PRELID2: variants seen among roughly 807,000 people sequenced by gnomAD.
The protein encoded by PRELID2 is PRELI domain-containing protein 2.
PRELID2 carries 25 observed loss-of-function variants against 28.4 expected under a neutral mutation model. That is an observed-to-expected ratio of 0.88 (90% CI 0.64 to 1.23). The LOEUF is 1.23. Ranked by LOEUF, PRELID2 falls within the 50% of genes most tolerant of loss-of-function variation. PRELID2 has a pLI of 0.00. For missense variants in PRELID2, 201 were observed against 214.4 expected (o/e 0.94, Z 0.39); for synonymous variants, 76 against 71.6 (o/e 1.06, Z -0.31).
chr5:145,653,166 A>G (rs1027891915), intron 1 of PRELID2, among the ~76,000 whole-genome samples: 1 of 152,228 alleles, frequency 6.6e-6, no homozygotes, highest in African/African-American at 2.4e-5. Context: ...CCATTACATA[A>G]TGGTAAAGGG....
In PRELID2 at chr5:145,503,459, C is replaced by T. The variant is rs915795683; in HGVS notation, n.71-30144G>A. 3.3e-5 allele frequency among the ~76,000 whole-genome samples: 5 copies of T among 152,132 alleles called. No homozygotes were observed. The South Asian group carries it at 8.3e-4, about 25-fold the overall frequency. ...GTTTAAAACAATAGTCATGATAATA[C>T]GAGCTCACATTTATTAAGCTCCTAC... On this transcript the variant is annotated intron_variant and non_coding_transcript_variant, in intron 1 of 2. Coordinates refer to the PRELID2 transcript ENST00000510259.
chr5:145,443,393 T>C, the PRELID2 span, among the ~76,000 whole-genome samples: 1 of 152,048 alleles, frequency 6.6e-6, no homozygotes, highest in African/African-American at 2.4e-5. Flanking sequence ...TAAGTCTCAT[T>C]GTCTTGGCCC....
Position 145,727,067 on chromosome 5 carries a change from C to T in PRELID2, n.70+37864G>A, listed in dbSNP as rs151042553. The stretch of plus-strand genomic sequence containing the variant: ...AGGCCCAGAGTTCTGGAAGCCCAGA[C>T]TATTTATTGGTGATCAAACAAAGAA... On this transcript the variant is annotated intron_variant and non_coding_transcript_variant, in intron 1 of 2. Transcript: ENST00000510259. 4.0e-4 allele frequency among the ~76,000 whole-genome samples: 61 copies of T among 152,294 alleles called. No individual in the cohort carries two copies. The East Asian group carries it at 8.7e-3, about 22-fold the overall frequency.
At chr5:145,573,182 G>A (rs1205262129) in intron 1 of PRELID2, among the ~76,000 whole-genome samples, 1 of 151,990 alleles carries the variant, frequency 6.6e-6, no homozygotes, top group African/African-American at 2.4e-5. Flanking sequence ...ATAACTTTTT[G>A]TATCTTTATG....
intron 1 of PRELID2, among the ~76,000 whole-genome samples, chr5:145,742,122 TATTAATTATAAATAAATAA>T (rs1377907120): frequency 0.82 from 105,018 of 128,846 alleles, 43,223 homozygotes; most frequent in East Asian, 0.87. Context: ...AAATAAAATT[TATTAATTATAAATAAATAA>T]ATTTATTTAT....
At chr5:145,652,949 G>C (rs981416461) in intron 1 of PRELID2, among the ~76,000 whole-genome samples, 2 of 152,144 alleles carry the variant, frequency 1.3e-5, no homozygotes, top group East Asian at 1.9e-4. Context: ...AAAAGACACA[G>C]ACTGGCAAAT....
At chr5:145,310,074 C>G in the PRELID2 span, among the ~76,000 whole-genome samples, 7 of 152,214 alleles carry the variant, frequency 4.6e-5, no homozygotes, top group African/African-American at 1.7e-4. Context: ...CTGTCTCTAA[C>G]TATTCTTACC....
At chr5:145,640,634 ACT>A (rs1202866313) in intron 1 of PRELID2, among the ~76,000 whole-genome samples, 1 of 148,154 alleles carries the variant, frequency 6.7e-6, no homozygotes, top group African/African-American at 2.5e-5. Context: ...ACAGAGCGAG[ACT>A]CTGTCTCAAA....
rs187027277 is a variant in PRELID2 at position 145,648,626 on chromosome 5, G to T, written n.70+116305C>A. Among the ~76,000 whole-genome samples the T allele has an allele frequency of 8.1e-5, 12 of 148,180 alleles. No individual in the cohort carries two copies. In the East Asian group the frequency reaches 1.9e-3, roughly 24 times the overall value. On this transcript the variant is annotated intron_variant and non_coding_transcript_variant, in intron 1 of 2. Transcript: ENST00000510259. Reference sequence around the variant, plus strand: ...CAGTTTTATTTAGATGAGTTTAGGCGGTTTTTTTGTATTATCCTCCCTGGG... The same window carrying T: ...CAGTTTTATTTAGATGAGTTTAGGCTGTTTTTTTGTATTATCCTCCCTGGG...
intron 1 of PRELID2, among the ~76,000 whole-genome samples, chr5:145,654,024 A>G (rs1253762374): frequency 1.3e-5 from 2 of 152,096 alleles, no homozygotes; most frequent in Admixed American, 6.6e-5. Flanking sequence ...AGAAGAAAAG[A>G]GAGAAGAATC....
At chr5:145,766,566 T>C (rs1757775191) in intron 5 of PRELID2, among the ~76,000 whole-genome samples, 1 of 152,190 alleles carries the variant, frequency 6.6e-6, no homozygotes, top group Non-Finnish European at 1.5e-5. Flanking sequence ...AGATTCTGCC[T>C]GGCCATCACC....
chr5:145,649,643 A>G (rs1018907136), intron 1 of PRELID2, among the ~76,000 whole-genome samples: 6 of 152,200 alleles, frequency 3.9e-5, no homozygotes, highest in African/African-American at 1.2e-4. Flanking sequence ...TCTGTCCTTC[A>G]GTTCACTAAT....
chr5:145,687,337 G>A (rs1483007745), intron 1 of PRELID2, among the ~76,000 whole-genome samples: 2 of 152,126 alleles, frequency 1.3e-5, no homozygotes, highest in African/African-American at 4.8e-5. Context: ...GCCTTAAAAA[G>A]CACATCGTCA....
At chr5:145,628,487 C>A (rs145212528) in intron 1 of PRELID2, among the ~76,000 whole-genome samples, 1 of 152,004 alleles carries the variant, frequency 6.6e-6, no homozygotes, top group Non-Finnish European at 1.5e-5. Flanking sequence ...CCATGCCTGG[C>A]GAATTTTTGT....
At chr5:145,750,734 T>C (rs1757103761) in intron 1 of PRELID2, among the ~76,000 whole-genome samples, 1 of 152,160 alleles carries the variant, frequency 6.6e-6, no homozygotes, top group South Asian at 2.1e-4. Context: ...CCATTTCAGA[T>C]AACAGTTAAA....
intron 1 of PRELID2, among the ~76,000 whole-genome samples, chr5:145,656,145 G>GA (rs1356383850): frequency 6.6e-6 from 1 of 152,134 alleles, no homozygotes; most frequent in African/African-American, 2.4e-5. Context: ...ACAGACACAT[G>GA]AAAAAATGCT....
chr5:145,753,884 C>T (rs772117260), downstream of PRELID2, among the ~76,000 whole-genome samples: 6 of 152,104 alleles, frequency 3.9e-5, no homozygotes, highest in Non-Finnish European at 7.3e-5. Context: ...TGTCCTGAGT[C>T]GCTACCACAG....
chr5:145,381,955 A>G, the PRELID2 span, among the ~76,000 whole-genome samples: 1 of 133,576 alleles, frequency 7.5e-6, no homozygotes, highest in Non-Finnish European at 1.7e-5. Context: ...GGGATTACTT[A>G]GTTTTTTTTT....
chr5:145,589,849 C>T (rs950540863), intron 1 of PRELID2, among the ~76,000 whole-genome samples: 5 of 152,202 alleles, frequency 3.3e-5, no homozygotes, highest in African/African-American at 1.2e-4. Flanking sequence ...TGTAAATCCA[C>T]TTGTAATTTA....
Sources: allele counts gnomAD v4.1 joint callset (sites outside exome capture counted in the v4.1 genomes callset), GRCh38; gene constraint gnomAD v4.1.1; transcripts MANE v1.5; gene names NCBI Gene and HGNC (gene_info 2026-07-23, HGNC 2026-07-21).